Variants in PTCHD1 observed in about 807,000 individuals in gnomAD.
PTCHD1 encodes patched domain-containing protein 1.
Under a neutral mutation model 34.6 loss-of-function variants are expected in PTCHD1, and 3 were observed. That is an observed-to-expected ratio of 0.09 (90% CI 0.04 to 0.22). PTCHD1 has a LOEUF of 0.22. Ranked by LOEUF, PTCHD1 falls within the 10% of genes least tolerant of loss-of-function variation. The probability of loss-of-function intolerance (pLI) is 1.00; values close to 1 mark genes in which losing one functional copy is unlikely to be tolerated. For missense variants in PTCHD1, 504 were observed against 685.5 expected, an observed-to-expected ratio of 0.74 and a Z score of 2.96; for synonymous variants, 305 against 283.1, an observed-to-expected ratio of 1.08 and a Z score of -0.77.
intron 1 of PTCHD1, among the ~76,000 whole-genome samples, chrX:23,360,704 T>G (rs904601887): frequency 4.5e-5 from 5 of 111,487 alleles, no homozygotes; most frequent in Non-Finnish European, 9.4e-5. Flanking sequence ...TTGAATGTCT[T>G]TGCTCTTGCT....
rs992351585 is a variant in PTCHD1, at chrX:23,393,100, C to T, written c.1582C>T (p.Leu528Phe). The part of the protein sequence containing the change: ...GYLQVSEGSD[L>F]SNIVATATQT... ...TCTGCAGGTCAGTGAAGGGTCAGAC[C>T]TTAGTAACATTGTAGCAACCGCGAC... Residue 528 changes from leucine (L) to phenylalanine (F), a missense_variant, in exon 3 of 3, where the codon CTT (leucine) becomes TTT (phenylalanine). Coordinates refer to ENST00000379361, the MANE Select transcript of PTCHD1 (RefSeq NM_173495.3). The T allele has an allele frequency of 1.7e-6, 2 of 1,210,869 alleles. No individual in the cohort carries two copies. The highest frequency in any genetic ancestry group is 3.5e-5 in the African/African-American group (2 of 57,774).
chrX:23,371,612 T>C (rs1007604510), intron 1 of PTCHD1, among the ~76,000 whole-genome samples: 3 of 110,906 alleles, frequency 2.7e-5, no homozygotes, highest in South Asian at 3.8e-4. Flanking sequence ...TGCACTGAAG[T>C]GGTAAGGATG....
In PTCHD1 at chrX:23,403,323, C is replaced by A. The variant is rs1601921292; in HGVS notation, c.*9138C>A. The A allele has an allele frequency of 1.8e-5, 2 of 112,051 alleles. No homozygotes were observed. Among genetic ancestry groups the A allele is most frequent in the Admixed American group, 1.9e-4 (2 of 10,578 alleles). 9.2% of individuals were successfully genotyped at this position (112,051 alleles called of 1,213,427 possible). A position where few individuals can be genotyped will look rare whatever the true frequency, so the allele number is the denominator to read the frequency against. On this transcript the variant is annotated 3_prime_UTR_variant, in exon 3 of 3. Transcript: ENST00000379361. Reference sequence around the variant, plus strand: ...CTGGTCATAATAAACTATTTTCAAACTAGGAAAAAGTATCCAAATGCTAGA... The same window carrying A: ...CTGGTCATAATAAACTATTTTCAAAATAGGAAAAAGTATCCAAATGCTAGA...
intron 1 of PTCHD1, among the ~76,000 whole-genome samples, chrX:23,379,039 T>C (rs764017991): frequency 1.2e-3 from 136 of 112,005 alleles, no homozygotes; most frequent in Middle Eastern, 4.6e-3. Flanking sequence ...CTTAATTGGA[T>C]GAAGAGATCA....
intron 2 of PTCHD1, among the ~76,000 whole-genome samples, chrX:23,391,291 G>A (rs1034949767): frequency 4.5e-5 from 5 of 111,447 alleles, no homozygotes; most frequent in Admixed American, 9.6e-5. Context: ...ATCAAATAGC[G>A]CGGAGAAGCT....
rs762133513 is a variant in PTCHD1 at position 23,380,056 on chromosome X, G to T, written c.817G>T (p.Val273Phe). The change falls in exon 2 of 3, where the codon GTC becomes TTC. Residue 273 changes from valine to phenylalanine, a missense_variant. By Grantham distance (50) the Val-to-Phe change is conservative. Transcript: ENST00000379361. Reference protein sequence around the residue: ...KTSRVSERYLVTSLILVVTMA... With the variant: ...KTSRVSERYLFTSLILVVTMA... ...CAGCCGCGTATCAGAACGTTACCTG[G>T]TCACCAGCCTGATTCTGGTGGTTAC... 1.3e-5 allele frequency: 16 copies of T among 1,209,997 alleles called. No homozygotes were observed. The Admixed American group carries it at 3.5e-4, about 26-fold the overall frequency.
At chrX:23,382,649 A>G (rs931126532) in intron 2 of PTCHD1, among the ~76,000 whole-genome samples, 3 of 113,057 alleles carry the variant, frequency 2.7e-5, no homozygotes, top group African/African-American at 9.6e-5. Context: ...ATTTGCAGCG[A>G]AAGAGACCAC....
intron 1 of PTCHD1, among the ~76,000 whole-genome samples, chrX:23,369,590 G>T (rs1384733730): frequency 9.0e-6 from 1 of 111,456 alleles, no homozygotes; most frequent in Non-Finnish European, 1.9e-5. Flanking sequence ...CTACCTCCCT[G>T]ATTTGCTGTG....
upstream of PTCHD1, chrX:23,334,787 T>C (rs184628684): frequency 0.014 from 5,026 of 351,531 alleles, 33 homozygotes; most frequent in Non-Finnish European, 0.017. Context: ...CGGGCGCCGC[T>C]GCCGCCGCCG....
At position 23,385,680 on chromosome X, in the gene PTCHD1, A is replaced by G. The variant is rs147147328; in HGVS notation, c.1012+5429A>G. 1.7e-3 allele frequency among the ~76,000 whole-genome samples: 190 copies of G among 111,811 alleles called. 2 individuals carry two copies. The highest frequency in any genetic ancestry group is 5.8e-3 in the African/African-American group (179 of 30,798). ...GTCAAGGAAACCCTGCATTTCACCA[A>G]GGCTACTTTATTACTCAAGAACCAA... On this transcript the variant is annotated intron_variant, in intron 2 of 2. Transcript: ENST00000379361.
chrX:23,350,791 G>C (rs1457879541), intron 1 of PTCHD1, among the ~76,000 whole-genome samples: 3 of 110,677 alleles, frequency 2.7e-5, no homozygotes, highest in Non-Finnish European at 5.7e-5. Flanking sequence ...AGAACACTGA[G>C]AAAAGCTAGG....
intron 1 of PTCHD1, among the ~76,000 whole-genome samples, chrX:23,354,430 CAGAGAGAG>C (rs3032246): frequency 1.0e-5 from 1 of 98,763 alleles, no homozygotes; most frequent in East Asian, 3.2e-4. Context: ...TTATTTTACA[CAGAGAGAG>C]AGAGAGAGAG....
chrX:23,362,348 T>C (rs1312734380), intron 1 of PTCHD1, among the ~76,000 whole-genome samples: 1 of 112,145 alleles, frequency 8.9e-6, no homozygotes, highest in South Asian at 3.7e-4. Flanking sequence ...TGTTCGTTTC[T>C]TTTTACTCTT....
intron 1 of PTCHD1, among the ~76,000 whole-genome samples, chrX:23,355,735 T>C (rs911278613): frequency 8.9e-6 from 1 of 112,397 alleles, no homozygotes; most frequent in African/African-American, 3.2e-5. Context: ...CCGGTTTAAA[T>C]TGAGTCTGGT....
intron 1 of PTCHD1, among the ~76,000 whole-genome samples, chrX:23,364,905 C>G (rs906946471): frequency 8.9e-6 from 1 of 112,480 alleles, no homozygotes; most frequent in Non-Finnish European, 1.9e-5. Flanking sequence ...CAAACAAATG[C>G]CTGCTTCCTT....
chrX:23,355,783 T>C (rs1453276959), intron 1 of PTCHD1, among the ~76,000 whole-genome samples: 2 of 112,475 alleles, frequency 1.8e-5, no homozygotes, highest in Non-Finnish European at 3.8e-5. Context: ...GAAGAAATGA[T>C]AGACTGAGAA....
In PTCHD1 at chrX:23,402,845, C is replaced by T. The variant is rs1239375937; in HGVS notation, c.*8660C>T. The T allele has an allele frequency of 8.9e-6, 1 of 112,407 alleles. No homozygotes were observed. The highest frequency in any genetic ancestry group is 3.2e-5 in the African/African-American group (1 of 30,912). 9.3% of individuals were successfully genotyped at this position (112,407 alleles called of 1,213,427 possible). On this transcript the variant is annotated 3_prime_UTR_variant, in exon 3 of 3. Coordinates refer to ENST00000379361, the MANE Select transcript of PTCHD1 (RefSeq NM_173495.3). ...AAAATATGTCTACATAGCCAATGCT[C>T]TTAGTATTTTTAACAGCAAAGATAA...
intron 2 of PTCHD1, among the ~76,000 whole-genome samples, chrX:23,390,941 G>C (rs1467424637): frequency 1.4e-5 from 1 of 69,669 alleles, no homozygotes; most frequent in Non-Finnish European, 2.5e-5. Context: ...TAATGGGATT[G>C]AATATGCCAA....
chrX:23,336,574 A>G lies in PTCHD1; in HGVS notation c.351+1348A>G, dbSNP rs749448088. Reference sequence around the variant, plus strand: ...TTTGTTGACATGTTATCAATTAGCAATTAGTAATGAGGGGAATCTGACTAG... The same window carrying G: ...TTTGTTGACATGTTATCAATTAGCAGTTAGTAATGAGGGGAATCTGACTAG... On this transcript the variant is annotated intron_variant, in intron 1 of 2. Coordinates refer to ENST00000379361, the MANE Select transcript of PTCHD1 (RefSeq NM_173495.3). Among the ~76,000 whole-genome samples, 4 of 112,175 alleles carry G rather than the reference A, an allele frequency of 3.6e-5. No individual in the cohort carries two copies. In the East Asian group the frequency reaches 8.4e-4, roughly 24 times the overall value.
Sources: gnomAD v4.1 joint callset for allele counts (sites outside exome capture counted in the v4.1 genomes callset) on GRCh38, gnomAD v4.1.1 for gene constraint, MANE v1.5 for transcripts, NCBI Gene and HGNC (gene_info 2026-07-23, HGNC 2026-07-21) for gene names.